PTPN11: variants seen among roughly 807,000 people sequenced by gnomAD.
PTPN11 encodes protein tyrosine phosphatase non-receptor type 11.
A neutral mutation model predicts 78.8 loss-of-function variants in PTPN11; 6 were observed. The observed-to-expected ratio is 0.08, with a 90% confidence interval of 0.04 to 0.15. PTPN11 has a LOEUF of 0.15. PTPN11 is among the 10% of genes least tolerant of loss of function. The pLI, the probability that PTPN11 is intolerant of heterozygous loss-of-function variation, is 1.00. For missense variants in PTPN11, 386 were observed against 744.8 expected (o/e 0.52, Z 5.61); for synonymous variants, 221 against 263.5 (o/e 0.84, Z 1.56).
chr12:112,502,334 A>C, intron 14 of PTPN11, 78 bp downstream of exon 14: 1 of 1,216,540 alleles, frequency 8.2e-7, no homozygotes, highest in Non-Finnish European at 1.2e-6. Flanking sequence ...ACAAAAACAA[A>C]ACACAAGTTT....
At chr12:112,438,140 T>A (rs866956943) in intron 1 of PTPN11, among the ~76,000 whole-genome samples, 1 of 152,170 alleles carries the variant, frequency 6.6e-6, no homozygotes, top group African/African-American at 2.4e-5. Flanking sequence ...CCCTGTTCTC[T>A]ACACCATGCT....
At chr12:112,445,613 G>A (rs961517892) in intron 1 of PTPN11, among the ~76,000 whole-genome samples, 12 of 150,978 alleles carry the variant, frequency 7.9e-5, no homozygotes, top group Non-Finnish European at 1.5e-4. Flanking sequence ...CCTCAACATG[G>A]TAACTTATTT....
chr12:112,492,330 C>G (rs1259428502), intron 13 of PTPN11, among the ~76,000 whole-genome samples: 4 of 152,018 alleles, frequency 2.6e-5, no homozygotes, highest in Non-Finnish European at 5.9e-5. Context: ...TTGAGCAAAA[C>G]GTAGCTGGGA....
At chr12:112,440,313 G>A (rs952137124) in intron 1 of PTPN11, among the ~76,000 whole-genome samples, 1 of 151,790 alleles carries the variant, frequency 6.6e-6, no homozygotes, top group African/African-American at 2.4e-5. Context: ...TTGCTCTGTC[G>A]CCCAGGCTGG....
Position 112,419,031 on chromosome 12 carries a change from T to G in PTPN11, c.-81T>G. Reference sequence around the variant, plus strand: ...GCGTCCGGTCCCGAGCGGGCCTCCCTCGGGCCAGCCCGATGTGACCGAGCC... The same window carrying G: ...GCGTCCGGTCCCGAGCGGGCCTCCCGCGGGCCAGCCCGATGTGACCGAGCC... On this transcript the variant is annotated 5_prime_UTR_variant, in exon 1 of 16. Coordinates refer to ENST00000351677, the MANE Select transcript of PTPN11 (RefSeq NM_002834.5). The G allele has an allele frequency of 6.6e-7, 1 of 1,523,432 alleles. No individual in the cohort carries two copies. The highest frequency in any genetic ancestry group is 1.2e-5 in the South Asian group (1 of 82,712). The allele number at this position is 1,523,432 out of a possible 1,614,324, so 94.4% of individuals were successfully genotyped here. A position where few individuals can be genotyped will look rare whatever the true frequency, so the allele number is the denominator to read the frequency against.
chr12:112,503,400 C>T (rs894261257), intron 14 of PTPN11, among the ~76,000 whole-genome samples: 8 of 152,298 alleles, frequency 5.3e-5, no homozygotes, highest in African/African-American at 1.2e-4. Context: ...TTGCTTTCGA[C>T]ATGGATTTTT....
At position 112,482,158 on chromosome 12, in the gene PTPN11, G is replaced by A. The variant is rs1214118543; in HGVS notation, c.1177G>A (p.Ala393Thr). 3.1e-6 allele frequency: 5 copies of A among 1,613,492 alleles called. No homozygotes were observed. Among genetic ancestry groups the A allele is most frequent in the African/African-American group, 1.3e-5 (1 of 74,884 alleles). The change falls in exon 10 of 16, where the codon GCT becomes ACT. Residue 393 changes from alanine (A) to threonine (T), a missense_variant. Around this residue, in one of 3 missense-constraint regions of PTPN11, gnomAD observed 279 missense variants for 503.3 expected, o/e 0.55. Transcript: ENST00000351677. This position sits in a 1 kb window ranked among gnomAD's most constrained non-coding sequence, Gnocchi z 4.4. Reference protein sequence around the residue: ...MRVRNVKESAAHDYTLRELKL... With the variant: ...MRVRNVKESATHDYTLRELKL... Reference sequence around the variant, plus strand: ...TGTTAGGAACGTCAAAGAAAGCGCCGCTCATGACTATACGCTAAGAGAACT... The same window carrying A: ...TGTTAGGAACGTCAAAGAAAGCGCCACTCATGACTATACGCTAAGAGAACT...
At chr12:112,450,694 T>C (rs1231227599) in intron 3 of PTPN11, among the ~76,000 whole-genome samples, 182 bp downstream of exon 3, 1 of 152,224 alleles carries the variant, frequency 6.6e-6, no homozygotes, top group Non-Finnish European at 1.5e-5. Flanking sequence ...GAGTACCTTT[T>C]TCCTGCAAAA....
At chr12:112,488,540 G>A (rs2135915317) in intron 12 of PTPN11, 30 bp downstream of exon 12, 2 of 1,566,844 alleles carry the variant, frequency 1.3e-6, no homozygotes, top group Non-Finnish European at 1.8e-6. Flanking sequence ...AGAAGCGACA[G>A]TTTCTGTTTT....
chr12:112,442,337 G>C (rs1340568613), intron 1 of PTPN11, among the ~76,000 whole-genome samples: 1 of 151,972 alleles, frequency 6.6e-6, no homozygotes, highest in Non-Finnish European at 1.5e-5. Context: ...TCGAATTTTG[G>C]AATATTTTTA....
chr12:112,450,745 C>A (rs1443666988), intron 3 of PTPN11, among the ~76,000 whole-genome samples: 2 of 152,214 alleles, frequency 1.3e-5, no homozygotes, highest in East Asian at 3.8e-4. Flanking sequence ...ATAGGGGTTG[C>A]ATACCATTCC....
At chr12:112,471,395 C>T (rs1187025302) in intron 6 of PTPN11, among the ~76,000 whole-genome samples, 1 of 141,392 alleles carries the variant, frequency 7.1e-6, no homozygotes, top group Non-Finnish European at 1.5e-5. Flanking sequence ...TTTTTTGAGA[C>T]AGGATCTTGT....
rs551675905 is a variant in PTPN11 at position 112,468,924 on chromosome 12, T to C, written c.757-4020T>C. Among the ~76,000 whole-genome samples, 3 of 152,194 alleles carry C rather than the reference T, an allele frequency of 2.0e-5. No individual in the cohort carries two copies. In the East Asian group the frequency reaches 5.8e-4, roughly 29 times the overall value. ...ACAAAAAGGAAAAGAATTAGCCAGA[T>C]GTGGTGGTGCGTGCCTGTAGTCCCA... On this transcript the variant is annotated intron_variant, in intron 6 of 15. Transcript: ENST00000351677.
chr12:112,477,593 A>C, intron 7 of PTPN11, 58 bp from the exon 8 acceptor site: 1 of 1,359,510 alleles, frequency 7.4e-7, no homozygotes, highest in Non-Finnish European at 1.1e-6. Flanking sequence ...ACTGATTTGA[A>C]CTGTTTTTTC....
rs750261927 is a variant in PTPN11 at position 112,446,337 on chromosome 12, G to T, written c.76G>T (p.Asp26Tyr). 1 of 1,614,156 alleles carries T rather than the reference G, an allele frequency of 6.2e-7. No homozygotes were observed. Among genetic ancestry groups the T allele is most frequent in the East Asian group, 2.2e-5 (1 of 44,882 alleles). Residue 26 changes from aspartate to tyrosine, a missense_variant, in exon 2 of 16, where the codon GAT (aspartate) becomes TAT (tyrosine). By Grantham distance (160) the Asp-to-Tyr change is radical (BLOSUM62 -3). Coordinates refer to ENST00000351677, the MANE Select transcript of PTPN11 (RefSeq NM_002834.5). ...AAACCTACTGTTGACAAGAGGAGTT[G>T]ATGGCAGTTTTTTGGCAAGGCCTAG... ...AENLLLTRGV[D>Y]GSFLARPSKS... is the part of the protein sequence containing the mutation.
chr12:112,419,131 G>A lies in PTPN11; in HGVS notation c.14+6G>A, dbSNP rs1244171867. The A allele has an allele frequency of 2.8e-5, 43 of 1,515,480 alleles. No homozygotes were observed. The highest frequency in any genetic ancestry group is 3.6e-5 in the Non-Finnish European group (41 of 1,134,778). 93.9% of individuals were successfully genotyped at this position (1,515,480 alleles called of 1,614,324 possible). On this transcript the variant is annotated splice_donor_region_variant and intron_variant, in intron 1 of 15. Coordinates refer to ENST00000351677, the MANE Select transcript of PTPN11 (RefSeq NM_002834.5). ...AGGAACATGACATCGCGGAGGTGAG[G>A]AGCCCCGAGGGGCCCGGCGCGGGCC...
At chr12:112,424,959 TGTG>T (rs2037589033) in intron 1 of PTPN11, among the ~76,000 whole-genome samples, 2 of 24,430 alleles carry the variant, frequency 8.2e-5, no homozygotes, top group South Asian at 1.4e-3. Flanking sequence ...AGGCTAATTG[TGTG>T]TGTGTGTGTG....
chr12:112,503,862 G>A (rs571376742), intron 14 of PTPN11, among the ~76,000 whole-genome samples: 1 of 152,234 alleles, frequency 6.6e-6, no homozygotes, highest in South Asian at 2.1e-4. Flanking sequence ...CTCCTGGACT[G>A]CTCTGATGTC....
intron 5 of PTPN11, among the ~76,000 whole-genome samples, chr12:112,455,116 G>A (rs1424622904): frequency 2.0e-5 from 3 of 151,876 alleles, no homozygotes; most frequent in Non-Finnish European, 4.4e-5. Flanking sequence ...TACCACGCCC[G>A]GCCCTAAATC....
Sources: gnomAD v4.1 joint callset for allele counts (sites outside exome capture counted in the v4.1 genomes callset) on GRCh38, gnomAD v4.1.1 for gene constraint, gnomAD v4.1.1 regional missense constraint, Gnocchi (gnomAD v3.1) non-coding constraint, MANE v1.5 for transcripts, NCBI Gene and HGNC (gene_info 2026-07-23, HGNC 2026-07-21) for gene names.